PRDM11: variants seen among roughly 807,000 people sequenced by gnomAD.
The protein encoded by PRDM11 is PR/SET domain 11, also known as PR domain-containing protein 11.
PRDM11 carries 20 observed loss-of-function variants against 97.8 expected under a neutral mutation model. That is an observed-to-expected ratio of 0.20 (90% CI 0.14 to 0.30). PRDM11 has a LOEUF of 0.30. Ranked by LOEUF, PRDM11 falls within the 10% of genes least tolerant of loss-of-function variation. The pLI is 1.00. For synonymous variants in PRDM11, 599 were observed against 637.7 expected (o/e 0.94, Z 0.91); for missense variants, 1,139 against 1,555.2 (o/e 0.73, Z 4.50).
intron 4 of PRDM11, among the ~76,000 whole-genome samples, chr11:45,188,522 A>C (rs1380337890): frequency 2.6e-5 from 4 of 152,150 alleles, no homozygotes; most frequent in African/African-American, 4.8e-5. Context: ...TGCCCAGCAC[A>C]AGTTCCCTCT....
chr11:45,155,418 G>A (rs1055697013), intron 1 of PRDM11, among the ~76,000 whole-genome samples: 8 of 152,172 alleles, frequency 5.3e-5, no homozygotes, highest in Non-Finnish European at 8.8e-5. Context: ...ACTCAGCACC[G>A]TCATGGCCCA....
Position 45,227,871 on chromosome 11 carries a change from C to T in PRDM11, c.3246C>T (p.Pro1082=), listed in dbSNP as rs188481878. The T allele has an allele frequency of 1.2e-5, 19 of 1,533,930 alleles. No homozygotes were observed. The highest frequency in any genetic ancestry group is 9.8e-5 in the Admixed American group (5 of 50,990). ...TCATCCAGGTTCTTAAAGTCCTCCCCACTTCCACCGCTTGCTGCGAGAAAG... is the reference window on the plus strand; with the variant it reads ...TCATCCAGGTTCTTAAAGTCCTCCCTACTTCCACCGCTTGCTGCGAGAAAG... The part of the protein sequence containing the change: ...NKIIQVLKVL[P]TSTACCEKGR... The change falls in exon 8 of 8, where the codon CCC becomes CCT. Residue 1082 remains proline, a synonymous_variant. Coordinates refer to ENST00000683152, the MANE Select transcript of PRDM11 (RefSeq NM_001384648.1). This position sits in a 1 kb window ranked among gnomAD's most constrained non-coding sequence, Gnocchi z 8.0.
intron 1 of PRDM11, among the ~76,000 whole-genome samples, chr11:45,099,450 TAAAAAA>T (rs532403075): frequency 2.1e-5 from 2 of 95,240 alleles, no homozygotes; most frequent in African/African-American, 4.1e-5. Flanking sequence ...GACTCCATCT[TAAAAAA>T]AAAAAAAAAA....
At chr11:45,193,407 C>T (rs1488337364) in intron 4 of PRDM11, among the ~76,000 whole-genome samples, 1 of 152,094 alleles carries the variant, frequency 6.6e-6, no homozygotes, top group Non-Finnish European at 1.5e-5. Context: ...ACCTAAAAAC[C>T]CAGTGGCATA....
chr11:45,195,687 C>T (rs945216645), intron 4 of PRDM11, among the ~76,000 whole-genome samples: 10 of 152,032 alleles, frequency 6.6e-5, no homozygotes, highest in African/African-American at 2.4e-4. Flanking sequence ...GATCCTCCTG[C>T]CTCAGCCTCC....
chr11:45,196,135 A>G (rs1322638369), intron 4 of PRDM11, among the ~76,000 whole-genome samples: 1 of 152,202 alleles, frequency 6.6e-6, no homozygotes, highest in African/African-American at 2.4e-5. Context: ...CACCAGTTGT[A>G]TATGAGGGCT....
At chr11:45,120,231 A>G (rs1271608049) in intron 1 of PRDM11, among the ~76,000 whole-genome samples, 2 of 152,204 alleles carry the variant, frequency 1.3e-5, no homozygotes, top group Non-Finnish European at 2.9e-5. Flanking sequence ...GCATAAAGGC[A>G]TGTGAGGTAC....
At position 45,224,254 on chromosome 11, in the gene PRDM11, T is replaced by C; in HGVS notation, c.780T>C (p.Val260=). 1 of 1,610,184 alleles carries C rather than the reference T, an allele frequency of 6.2e-7. No individual in the cohort carries two copies. Among genetic ancestry groups the C allele is most frequent in the Non-Finnish European group, 8.5e-7 (1 of 1,178,668 alleles). Residue 260 remains valine, a synonymous_variant, in exon 7 of 8, where the codon GTT becomes GTC. Coordinates refer to ENST00000683152, the MANE Select transcript of PRDM11 (RefSeq NM_001384648.1). ...KRLQREKSEQ[V]LDNPEDLRGP... ...TGCAGAGGGAGAAGTCTGAGCAGGT[T>C]CTGGATAACCCAGAAGACCTGAGGG...
chr11:45,214,925 C>T (rs1035087666), intron 5 of PRDM11, among the ~76,000 whole-genome samples: 39 of 152,338 alleles, frequency 2.6e-4, no homozygotes, highest in African/African-American at 9.1e-4. Flanking sequence ...AGCACCATGC[C>T]AGGCCCTCGG....
At chr11:45,205,507 C>G (rs1853475453) in intron 5 of PRDM11, among the ~76,000 whole-genome samples, 5 of 152,080 alleles carry the variant, frequency 3.3e-5, no homozygotes. Flanking sequence ...TGGCCTCTCT[C>G]TGGGACCTAG....
chr11:45,220,346 A>G (rs1209637037), intron 6 of PRDM11, among the ~76,000 whole-genome samples: 1 of 152,202 alleles, frequency 6.6e-6, no homozygotes, highest in Admixed American at 6.5e-5. Flanking sequence ...TGTAATTATC[A>G]TAGCAGCCAT....
Position 45,226,292 on chromosome 11 carries a change from C to T in PRDM11, c.1667C>T (p.Thr556Ile). 6.5e-7 allele frequency: 1 copy of T among 1,533,970 alleles called. No homozygotes were observed. The highest frequency in any genetic ancestry group is 8.7e-7 in the Non-Finnish European group (1 of 1,146,740). ...GGCTCCAAGCAGTTTAAGATTCACACCATCAAACTTCACAGCCAGAGCAAC... is the reference window on the plus strand; with the variant it reads ...GGCTCCAAGCAGTTTAAGATTCACATCATCAAACTTCACAGCCAGAGCAAC... ...IIGSKQFKIH[T>I]IKLHSQSNLH... Residue 556 changes from threonine to isoleucine, a missense_variant, in exon 8 of 8, where the codon ACC becomes ATC. By Grantham distance (89) the Thr-to-Ile change is moderately conservative. Around this residue, in one of 2 missense-constraint regions of PRDM11, gnomAD observed 710 missense variants for 1,044.9 expected, o/e 0.68. Transcript: ENST00000683152.
At chr11:45,147,339 G>C (rs1565263465) in intron 1 of PRDM11, 1 of 151,988 alleles carries the variant, frequency 6.6e-6, no homozygotes, top group African/African-American at 2.4e-5. Flanking sequence ...GCGGCCGCCG[G>C]CCTAGTTCTC....
At chr11:45,191,938 G>A (rs368301749) in intron 4 of PRDM11, among the ~76,000 whole-genome samples, 9 of 152,064 alleles carry the variant, frequency 5.9e-5, no homozygotes, top group South Asian at 4.2e-4. Flanking sequence ...CTAACAACCC[G>A]TCATCTAGGT....
intron 1 of PRDM11, among the ~76,000 whole-genome samples, chr11:45,148,155 C>T (rs754359396): frequency 6.6e-6 from 1 of 152,108 alleles, no homozygotes; most frequent in Non-Finnish European, 1.5e-5. Flanking sequence ...CTATAGGGCA[C>T]GTGTAGAAAC....
intron 1 of PRDM11, among the ~76,000 whole-genome samples, chr11:45,096,630 A>T (rs572941334): frequency 6.6e-6 from 1 of 152,288 alleles, no homozygotes; most frequent in African/African-American, 2.4e-5. Context: ...CATTCAGCTT[A>T]TTCTCTCACC....
intron 1 of PRDM11, among the ~76,000 whole-genome samples, chr11:45,149,491 T>G (rs11038331): frequency 2.0e-5 from 3 of 152,092 alleles, no homozygotes; most frequent in Non-Finnish European, 4.4e-5. Flanking sequence ...TGGGAGTGTC[T>G]GGTGGTCCTT....
At chr11:45,150,616 C>T (rs1851636639) in intron 1 of PRDM11, among the ~76,000 whole-genome samples, 1 of 152,178 alleles carries the variant, frequency 6.6e-6, no homozygotes, top group Non-Finnish European at 1.5e-5. Context: ...CGTTCCCCAT[C>T]CTTACTGGTG....
At chr11:45,123,860 A>AG (rs1318933553) in intron 1 of PRDM11, among the ~76,000 whole-genome samples, 1 of 149,466 alleles carries the variant, frequency 6.7e-6, no homozygotes, top group Non-Finnish European at 1.5e-5. Flanking sequence ...ATTTTAAAGT[A>AG]ATTTTTTCCA....
Sources: allele counts gnomAD v4.1 joint callset (sites outside exome capture counted in the v4.1 genomes callset), GRCh38; gene constraint gnomAD v4.1.1; regional missense constraint gnomAD v4.1.1; non-coding constraint Gnocchi (gnomAD v3.1); transcripts MANE v1.5; gene names NCBI Gene and HGNC (gene_info 2026-07-23, HGNC 2026-07-21).